MCMBP: variants seen among roughly 807,000 people sequenced by gnomAD.
MCMBP encodes minichromosome maintenance complex binding protein.
A neutral mutation model predicts 81.3 loss-of-function variants in MCMBP; 31 were observed. The ratio of observed to expected loss-of-function variants is 0.38; its 90% CI spans 0.29 to 0.51. The LOEUF is 0.51. MCMBP is among the 20% of genes least tolerant of loss of function. MCMBP has a pLI of 0.87. For missense variants in MCMBP, 645 were observed against 772.1 expected (o/e 0.84, Z 1.95); for synonymous variants, 267 against 275.9 (o/e 0.97, Z 0.32).
intron 1 of MCMBP, 48 bp downstream of exon 1, chr10:119,872,479 G>A (rs1226319200): frequency 1.1e-5 from 13 of 1,130,798 alleles, no homozygotes; most frequent in South Asian, 4.2e-5. Flanking sequence ...CCCGGGGCCC[G>A]GCAAACTCGG....
intron 6 of MCMBP, among the ~76,000 whole-genome samples, chr10:119,850,502 C>T (rs529424845): frequency 2.0e-5 from 3 of 152,226 alleles, no homozygotes; most frequent in African/African-American, 7.2e-5. Flanking sequence ...GTAATCCCAG[C>T]ACTTTGGGAG....
intron 1 of MCMBP, among the ~76,000 whole-genome samples, chr10:119,864,622 C>T (rs1345746768): frequency 7.6e-5 from 10 of 131,100 alleles, no homozygotes; most frequent in Non-Finnish European, 5.0e-5. Context: ...CTGATTTTTT[C>T]TTTTTTTTCT....
At chr10:119,859,260 CCAGACT>C in intron 2 of MCMBP, 79 bp from the exon 3 acceptor site, 1 of 1,255,200 alleles carries the variant, frequency 8.0e-7, no homozygotes, top group South Asian at 1.4e-5. Flanking sequence ...AACTTTATAT[CCAGACT>C]CAAACTGTTA....
Position 119,831,538 on chromosome 10 carries a change from T to A in MCMBP, c.1859A>T (p.Gln620Leu). The stretch of plus-strand genomic sequence containing the variant: ...CCTCGTTCTTCTTAAAGACTCTAGC[T>A]GCTTTGCTCTCAGCCATCGTTCTCT... ...LSRERWLRAK[Q>L]LESLRRTRLQ... The change falls in exon 16 of 16, where the codon CAG (glutamine) becomes CTG (leucine). Residue 620 changes from glutamine (Q) to leucine (L), a missense_variant. Coordinates refer to ENST00000369077, the MANE Select transcript of MCMBP (RefSeq NM_001256378.2). 6.2e-7 allele frequency: 1 copy of A among 1,614,094 alleles called. No individual in the cohort carries two copies. Among genetic ancestry groups the A allele is most frequent in the Non-Finnish European group, 8.5e-7 (1 of 1,179,940 alleles).
chr10:119,861,724 T>C (rs563666116), intron 1 of MCMBP, among the ~76,000 whole-genome samples: 1 of 152,280 alleles, frequency 6.6e-6, no homozygotes, highest in East Asian at 1.9e-4. Flanking sequence ...CTAAGTTACT[T>C]GAATGTATAT....
At position 119,830,950 on chromosome 10, in the gene MCMBP, G is replaced by GA. The variant is rs1460229191; in HGVS notation, c.*523dup. 1 of 152,400 alleles carries GA rather than the reference G, an allele frequency of 6.6e-6. No homozygotes were observed. The highest frequency in any genetic ancestry group is 6.5e-5 in the Admixed American group (1 of 15,286). The allele number at this position is 152,400 out of a possible 1,614,324, so 9.4% of individuals were successfully genotyped here. ...AAAGTTTCTGTGGCCAAACATCTGG[G>GA]AAATGACAGTACAGAATTTCATGTA... On this transcript the variant is annotated 3_prime_UTR_variant, in exon 16 of 16. Transcript: ENST00000369077.
intron 1 of MCMBP, among the ~76,000 whole-genome samples, 170 bp downstream of exon 1, chr10:119,872,357 G>C (rs1354962037): frequency 6.6e-6 from 1 of 151,958 alleles, no homozygotes; most frequent in Non-Finnish European, 1.5e-5. Context: ...TGCCTGCTGC[G>C]ACCGGGGGAG....
intron 1 of MCMBP, 102 bp from the exon 2 acceptor site, chr10:119,859,986 CTA>C: frequency 2.6e-6 from 2 of 761,988 alleles, no homozygotes; most frequent in South Asian, 1.8e-5. Flanking sequence ...AAAAAACAAA[CTA>C]AAATTAGCTA....
chr10:119,853,789 G>C (rs1852920899), intron 5 of MCMBP, among the ~76,000 whole-genome samples: 2 of 152,234 alleles, frequency 1.3e-5, no homozygotes, highest in Non-Finnish European at 2.9e-5. Flanking sequence ...TCTGGAAGTA[G>C]TATAATACTA....
Position 119,852,792 on chromosome 10 carries a change from G to T in MCMBP, c.574+258C>A, listed in dbSNP as rs148651876. ...CTTCTGTATTAAAAATAAATATGAA[G>T]ATAGAAAAGACCTTTCCAGATAGTC... On this transcript the variant is annotated intron_variant, in intron 6 of 15. Coordinates refer to ENST00000369077, the MANE Select transcript of MCMBP (RefSeq NM_001256378.2). Among the ~76,000 whole-genome samples the T allele has an allele frequency of 9.5e-4, 144 of 152,254 alleles. 1 individual carries two copies. The highest frequency in any genetic ancestry group is 3.4e-3 in the African/African-American group (141 of 41,552).
At position 119,863,304 on chromosome 10, in the gene MCMBP, T is replaced by C. The variant is rs112520928; in HGVS notation, c.59-3420A>G. Among the ~76,000 whole-genome samples, 251 of 152,312 alleles carry C rather than the reference T, an allele frequency of 1.6e-3. 3 individuals carry two copies. Among genetic ancestry groups the C allele is most frequent in the African/African-American group, 5.7e-3 (237 of 41,566 alleles). On this transcript the variant is annotated intron_variant, in intron 1 of 15. Transcript: ENST00000369077. ...GTTTTATACTCAGATGTATGATCCA[T>C]TTTGAGTTAATTTTATATAAAATAT...
chr10:119,856,090 C>T (rs1218128412), intron 5 of MCMBP, among the ~76,000 whole-genome samples: 3 of 152,104 alleles, frequency 2.0e-5, no homozygotes, highest in South Asian at 4.2e-4. Context: ...GGCATGGTGG[C>T]GTGTGCCTGT....
rs34275612 is a variant in MCMBP at position 119,870,444 on chromosome 10, C to CAA, written c.58+2081_58+2082dup. Among the ~76,000 whole-genome samples, 410 of 135,252 alleles carry CAA rather than the reference C, an allele frequency of 3.0e-3. 17 individuals carry two copies. In the South Asian group the frequency reaches 0.076, roughly 25 times the overall value. 88.7% of individuals were successfully genotyped at this position (135,252 alleles called of 152,430 possible). On this transcript the variant is annotated intron_variant, in intron 1 of 15. Coordinates refer to ENST00000369077, the MANE Select transcript of MCMBP (RefSeq NM_001256378.2). ...CCTGGGTGACAGTGCGAGACTGTCTCAAAAAAAAAAAATGCATATTTCAAA... is the reference window on the plus strand; with the variant it reads ...CCTGGGTGACAGTGCGAGACTGTCTCAAAAAAAAAAAAAATGCATATTTCAAA...
intron 7 of MCMBP, among the ~76,000 whole-genome samples, 179 bp from the exon 8 acceptor site, chr10:119,847,892 GA>G (rs1852673251): frequency 6.6e-6 from 1 of 151,576 alleles, no homozygotes; most frequent in Non-Finnish European, 1.5e-5. Context: ...GCAAATAAGT[GA>G]AAAACCAAAA....
intron 1 of MCMBP, among the ~76,000 whole-genome samples, chr10:119,872,081 G>C (rs976486118): frequency 2.6e-5 from 4 of 152,158 alleles, no homozygotes; most frequent in African/African-American, 9.6e-5. Context: ...AGCACTCCCC[G>C]ACGCACCGGA....
chr10:119,857,023 C>T (rs1853071454), intron 5 of MCMBP, among the ~76,000 whole-genome samples: 1 of 149,902 alleles, frequency 6.7e-6, no homozygotes, highest in African/African-American at 2.5e-5. Context: ...CTGCTTGAGC[C>T]CAGGAGGTTG....
At chr10:119,835,437 AAAAC>A (rs1852205010) in intron 14 of MCMBP, 99 bp downstream of exon 14, 18 of 1,079,232 alleles carry the variant, frequency 1.7e-5, no homozygotes, top group Non-Finnish European at 2.3e-5. Context: ...GACATGACAG[AAAAC>A]AAATAACAAA....
intron 1 of MCMBP, among the ~76,000 whole-genome samples, chr10:119,872,241 CAATCACAGCCCGCG>C (rs540645560): frequency 4.4e-4 from 67 of 151,846 alleles, no homozygotes; most frequent in East Asian, 2.4e-3. Flanking sequence ...GCGAGGCCGT[CAATCACAGCCCGCG>C]AATCACAGCC....
chr10:119,843,906 C>G (rs533169083), intron 8 of MCMBP, among the ~76,000 whole-genome samples: 19 of 152,248 alleles, frequency 1.2e-4, no homozygotes, highest in African/African-American at 4.1e-4. Context: ...AAGTGATCTG[C>G]CTGCCTTGGC....
Sources: allele counts gnomAD v4.1 joint callset (sites outside exome capture counted in the v4.1 genomes callset), GRCh38; gene constraint gnomAD v4.1.1; transcripts MANE v1.5; gene names NCBI Gene and HGNC (gene_info 2026-07-23, HGNC 2026-07-21).